NT5C1B: variants seen among roughly 807,000 people sequenced by gnomAD.
NT5C1B encodes the protein 5'-nucleotidase, cytosolic IB.
In NT5C1B, 44 loss-of-function variants were observed where a neutral mutation model predicts 57.8. The ratio of observed to expected loss-of-function variants is 0.76; its 90% CI spans 0.60 to 0.98. The LOEUF (loss-of-function observed/expected upper bound fraction) is 0.98, where lower values mean the gene tolerates loss of function less well. Among genes scored for constraint, NT5C1B ranks in the 50% least tolerant of loss-of-function variants. The probability of loss-of-function intolerance (pLI) is 0.00; values close to 1 mark genes in which losing one functional copy is unlikely to be tolerated. For synonymous variants in NT5C1B, 284 were observed against 282.6 expected (o/e 1.00, Z -0.05); for missense variants, 742 against 719.5 (o/e 1.03, Z -0.36).
intron 5 of NT5C1B, 127 bp from the exon 6 acceptor site, chr2:18,583,124 T>G (rs1324635620): frequency 7.8e-7 from 1 of 1,275,256 alleles, no homozygotes; most frequent in African/African-American, 1.5e-5. Flanking sequence ...AGATTCTGGC[T>G]CCTTTAAGGA....
At chr2:18,566,169 C>T (rs918696577) in intron 8 of NT5C1B, among the ~76,000 whole-genome samples, 5 of 151,990 alleles carry the variant, frequency 3.3e-5, no homozygotes, top group South Asian at 2.1e-4. Context: ...GCCTTTTTCT[C>T]ATAGTATCTT....
chr2:18,583,259 G>T, intron 5 of NT5C1B: 1 of 296,310 alleles, frequency 3.4e-6, no homozygotes, highest in Non-Finnish European at 6.2e-6. Flanking sequence ...AATTATCTCT[G>T]GGGGACAGGT....
At chr2:18,579,751 A>G (rs1423189694) in intron 6 of NT5C1B, among the ~76,000 whole-genome samples, 1 of 152,226 alleles carries the variant, frequency 6.6e-6, no homozygotes, top group East Asian at 1.9e-4. Context: ...GAAGACACCA[A>G]AAGCAATTGC....
intron 2 of NT5C1B, 173 bp from the exon 3 acceptor site, chr2:18,586,564 T>G: frequency 9.8e-7 from 1 of 1,024,846 alleles, no homozygotes; most frequent in East Asian, 2.7e-5. Flanking sequence ...CTAACTCTGG[T>G]CTAGTCCTCA....
intron 2 of NT5C1B, chr2:18,587,039 G>A (rs1274917149): frequency 1.2e-6 from 2 of 1,614,254 alleles, no homozygotes; most frequent in South Asian, 1.1e-5. Flanking sequence ...ACAGGCACAT[G>A]TGAATATAAA....
Position 18,584,667 on chromosome 2 carries a change from C to T in NT5C1B, c.570G>A (p.Arg190=), listed in dbSNP as rs999896803. The stretch of plus-strand genomic sequence containing the variant: ...GCTGGGTGGAGGCGGGGTAGATCCC[C>T]CTGCGCTGGCTGGAGGACTTCCACT... Residue 190 remains arginine, a synonymous_variant, in exon 4 of 9, where the codon AGG becomes AGA. Coordinates refer to ENST00000304081, the Ensembl canonical transcript of NT5C1B. This position sits in a 1 kb window ranked among gnomAD's most constrained non-coding sequence, Gnocchi z 5.8. The T allele has an allele frequency of 3.7e-6, 6 of 1,612,442 alleles. No individual in the cohort carries two copies. The African/African-American group carries it at 8.0e-5, about 22-fold the overall frequency.
exon 3 of NT5C1B, chr2:18,586,280 G>T (rs1666702483): frequency 6.2e-7 from 1 of 1,613,914 alleles, no homozygotes; most frequent in South Asian, 1.1e-5. Flanking sequence ...CTGCTTCTAG[G>T]CTCATCTATG....
At chr2:18,572,662 T>C (rs1665308999) in intron 8 of NT5C1B, among the ~76,000 whole-genome samples, 2 of 152,174 alleles carry the variant, frequency 1.3e-5, no homozygotes, top group African/African-American at 4.8e-5. Context: ...AAAGAAGATA[T>C]GTGATGGAAA....
At position 18,583,658 on chromosome 2, in the gene NT5C1B, A is replaced by G. The variant is rs563648610; in HGVS notation, c.891+430T>C. ...TTCAGAGAACCTTACCTTCTCTATT[A>G]AAGTCACACTCCTAAGTGCCAAGGG... On this transcript the variant is annotated intron_variant, in intron 5 of 8. Coordinates refer to ENST00000304081, the Ensembl canonical transcript of NT5C1B. 50 of 360,202 alleles carry G rather than the reference A, an allele frequency of 1.4e-4. No individual in the cohort carries two copies. In the East Asian group the frequency reaches 3.6e-3, roughly 26 times the overall value. The allele number at this position is 360,202 out of a possible 1,614,324, so 22.3% of individuals were successfully genotyped here.
At chr2:18,585,881 A>G (rs751807885) in intron 3 of NT5C1B, among the ~76,000 whole-genome samples, 2 of 151,908 alleles carry the variant, frequency 1.3e-5, no homozygotes, top group Non-Finnish European at 1.5e-5. Flanking sequence ...TAAAAACTCA[A>G]AGCCCCACAC....
At chr2:18,576,627 A>C in intron 7 of NT5C1B, 146 bp downstream of exon 7, 1 of 1,373,824 alleles carries the variant, frequency 7.3e-7, no homozygotes, top group Non-Finnish European at 9.8e-7. Flanking sequence ...GCTCTAAAGG[A>C]CAGACTTAAG....
At chr2:18,576,038 A>G in intron 8 of NT5C1B, 146 bp downstream of exon 8, 1 of 826,790 alleles carries the variant, frequency 1.2e-6, no homozygotes. Context: ...CATGAAAGAA[A>G]GAGAGAAAGC....
At chr2:18,585,802 G>A (rs1666650216) in intron 3 of NT5C1B, among the ~76,000 whole-genome samples, 2 of 152,080 alleles carry the variant, frequency 1.3e-5, no homozygotes, top group South Asian at 2.1e-4. Flanking sequence ...TGGGTCATTC[G>A]CTCTGCTTCC....
intron 6 of NT5C1B, among the ~76,000 whole-genome samples, chr2:18,582,624 G>GATTA (rs1326670270): frequency 6.6e-6 from 1 of 152,190 alleles, no homozygotes. Flanking sequence ...CAGGACCTAG[G>GATTA]ATTAAGACTT....
intron 1 of NT5C1B, among the ~76,000 whole-genome samples, chr2:18,588,670 A>T (rs1390244016): frequency 6.6e-6 from 1 of 152,084 alleles, no homozygotes; most frequent in Non-Finnish European, 1.5e-5. Flanking sequence ...CCATCCTGGG[A>T]CTACATTTTC....
chr2:18,584,162 C>T lies in NT5C1B; in HGVS notation c.817G>A (p.Glu273Lys). Reference sequence around the variant, plus strand: ...GTGAGCTGATACTCCATGTACTTTTCCAGACCCTCTTGCTCGTAGATTTTC... The same window carrying T: ...GTGAGCTGATACTCCATGTACTTTTTCAGACCCTCTTGCTCGTAGATTTTC... Residue 273 changes from glutamate (E) to lysine (K), a missense_variant, in exon 5 of 9, where the codon GAA becomes AAA. Physicochemically the swap from Glu to Lys is moderately conservative, Grantham distance 56. Transcript: ENST00000304081. This position sits in a 1 kb window ranked among gnomAD's most constrained non-coding sequence, Gnocchi z 5.8. 1.2e-6 allele frequency: 2 copies of T among 1,614,152 alleles called. No individual in the cohort carries two copies. Among genetic ancestry groups the T allele is most frequent in the Non-Finnish European group, 1.7e-6 (2 of 1,180,044 alleles).
intron 6 of NT5C1B, among the ~76,000 whole-genome samples, chr2:18,579,709 T>C (rs986091680): frequency 7.2e-5 from 11 of 152,090 alleles, no homozygotes; most frequent in African/African-American, 2.7e-4. Flanking sequence ...GGAAATACCA[T>C]TCTGGACAGG....
chr2:18,579,323 A>G (rs1241820960), intron 6 of NT5C1B, among the ~76,000 whole-genome samples: 1 of 152,232 alleles, frequency 6.6e-6, no homozygotes, highest in African/African-American at 2.4e-5. Context: ...AAAGAGCTGG[A>G]ATAGCCAAAG....
chr2:18,563,938 A>C (rs1664402089), exon 9 of NT5C1B: 1 of 1,614,190 alleles, frequency 6.2e-7, no homozygotes, highest in African/African-American at 1.3e-5. Context: ...TCCAGCAAGG[A>C]AAAGAGCTTC....
Sources: allele counts gnomAD v4.1 joint callset (sites outside exome capture counted in the v4.1 genomes callset), GRCh38; gene constraint gnomAD v4.1.1; non-coding constraint Gnocchi (gnomAD v3.1); transcripts MANE v1.5; gene names NCBI Gene and HGNC (gene_info 2026-07-23, HGNC 2026-07-21).